ZNF225: variants seen among roughly 807,000 people sequenced by gnomAD.
The protein encoded by ZNF225 is zinc finger protein 225.
A neutral mutation model predicts 12.0 loss-of-function variants in ZNF225; 6 were observed. That is an observed-to-expected ratio of 0.50 (90% CI 0.27 to 0.98). The LOEUF is 0.98. Ranked by LOEUF, ZNF225 falls within the 50% of genes least tolerant of loss-of-function variation. ZNF225 has a pLI of 0.11. For missense variants in ZNF225, 763 were observed against 848.2 expected (o/e 0.90, Z 1.25); for synonymous variants, 271 against 283.2 (o/e 0.96, Z 0.43).
intron 4 of ZNF225, among the ~76,000 whole-genome samples, chr19:44,122,034 A>G (rs1306575029): frequency 6.6e-6 from 1 of 151,934 alleles, no homozygotes; most frequent in Admixed American, 6.6e-5. Flanking sequence ...TTTTTATTGC[A>G]TTTGTTTTTG....
chr19:44,112,527 C>A (rs1967853242), upstream of ZNF225, among the ~76,000 whole-genome samples: 1 of 151,334 alleles, frequency 6.6e-6, no homozygotes, highest in Non-Finnish European at 1.5e-5. Flanking sequence ...AATTACACCT[C>A]AAAAATATTT....
chr19:44,120,270 T>C lies in ZNF225; in HGVS notation c.235+1696T>C, dbSNP rs187440401. Among the ~76,000 whole-genome samples the C allele has an allele frequency of 3.9e-5, 6 of 152,310 alleles. No individual in the cohort carries two copies. In the East Asian group the frequency reaches 1.2e-3, roughly 29 times the overall value. On this transcript the variant is annotated intron_variant, in intron 4 of 4. Transcript: ENST00000262894. ...TTTTTCTTCTTGTGCTGTCTTGCACTGTGTCTTATATATTTCTGTTTACCT... is the reference window on the plus strand; with the variant it reads ...TTTTTCTTCTTGTGCTGTCTTGCACCGTGTCTTATATATTTCTGTTTACCT...
chr19:44,112,478 G>A (rs554465684), upstream of ZNF225, among the ~76,000 whole-genome samples: 1 of 152,264 alleles, frequency 6.6e-6, no homozygotes, highest in South Asian at 2.1e-4. Context: ...AGATGCCATT[G>A]CCATTGAATT....
At chr19:44,111,595 CAT>C (rs1201002613), upstream of ZNF225, among the ~76,000 whole-genome samples, 1 of 152,142 alleles carries the variant, frequency 6.6e-6, no homozygotes, top group Non-Finnish European at 1.5e-5. Flanking sequence ...GTAGTATAAA[CAT>C]AAAATATTCA....
At chr19:44,129,182 A>C in intron 4 of ZNF225, 2 of 1,039,714 alleles carry the variant, frequency 1.9e-6, no homozygotes, top group Non-Finnish European at 2.5e-6. Context: ...ATACTCTGAA[A>C]ATGTAGACAT....
In ZNF225 at chr19:44,118,581, A is replaced by G. The variant is rs2147555994; in HGVS notation, c.235+7A>G. On this transcript the variant is annotated splice_region_variant and intron_variant, in intron 4 of 4. Coordinates refer to ENST00000262894, the MANE Select transcript of ZNF225 (RefSeq NM_013362.4). ...CAAAGAGAAGGGAATTTAGGTAAGA[A>G]GCAAGCAACTCTGTGTCCTTGTGCG... 1.2e-6 allele frequency: 2 copies of G among 1,610,256 alleles called. No homozygotes were observed. Among genetic ancestry groups the G allele is most frequent in the Non-Finnish European group, 1.7e-6 (2 of 1,177,368 alleles).
Position 44,134,384 on chromosome 19 carries a change from A to G in ZNF225, c.*1649A>G, listed in dbSNP as rs1052493. Reference sequence around the variant, plus strand: ...CAGAATAACTTGAACCATGCCTACCAGTTATGGAATGGTGGCAACCCTCTC... The same window carrying G: ...CAGAATAACTTGAACCATGCCTACCGGTTATGGAATGGTGGCAACCCTCTC... On this transcript the variant is annotated 3_prime_UTR_variant, in exon 5 of 5. Transcript: ENST00000262894. 1 of 152,230 alleles carries G rather than the reference A, an allele frequency of 6.6e-6. No homozygotes were observed. The highest frequency in any genetic ancestry group is 1.5e-5 in the Non-Finnish European group (1 of 68,040). The allele number at this position is 152,230 out of a possible 1,614,324, so 9.4% of individuals were successfully genotyped here. A position where few individuals can be genotyped will look rare whatever the true frequency, so the allele number is the denominator to read the frequency against.
upstream of ZNF225, chr19:44,112,302 C>CT (rs1967848009): frequency 6.6e-6 from 1 of 152,148 alleles, no homozygotes; most frequent in African/African-American, 2.4e-5. Context: ...CTGCTGGTAT[C>CT]TATGTCTGCG....
intron 4 of ZNF225, 45 bp downstream of exon 4, chr19:44,118,619 C>A: frequency 1.9e-6 from 3 of 1,568,364 alleles, no homozygotes; most frequent in Non-Finnish European, 2.6e-6. Context: ...ACTCTCCCAT[C>A]GGTTTCACTT....
chr19:44,114,022 C>G (rs912231676), intron 1 of ZNF225: 9 of 321,894 alleles, frequency 2.8e-5, no homozygotes, highest in African/African-American at 1.5e-4. Flanking sequence ...CTGGGTGATC[C>G]CGGACGCCTT....
rs1967930617 is a variant in ZNF225 at position 44,115,805 on chromosome 19, T to C, written c.-23T>C. The C allele has an allele frequency of 6.2e-7, 1 of 1,612,738 alleles. No homozygotes were observed. Among genetic ancestry groups the C allele is most frequent in the Non-Finnish European group, 8.5e-7 (1 of 1,179,296 alleles). The stretch of plus-strand genomic sequence containing the variant: ...GGACTGTATCACTCAGGACTCTGAA[T>C]ATTCCCTGAAATAGGAGGAAAAATG... On this transcript the variant is annotated 5_prime_UTR_variant, in exon 2 of 5. Coordinates refer to ENST00000262894, the MANE Select transcript of ZNF225 (RefSeq NM_013362.4).
At position 44,115,818 on chromosome 19, in the gene ZNF225, A is replaced by G. The variant is rs779338841; in HGVS notation, c.-10A>G. On this transcript the variant is annotated 5_prime_UTR_variant, in exon 2 of 5. In the 5' UTR this introduces an upstream ATG that the reference lacks. Transcript: ENST00000262894. ...CAGGACTCTGAATATTCCCTGAAATAGGAGGAAAAATGACCACGTTGAAGG... is the reference window on the plus strand; with the variant it reads ...CAGGACTCTGAATATTCCCTGAAATGGGAGGAAAAATGACCACGTTGAAGG... The G allele has an allele frequency of 1.2e-6, 2 of 1,612,986 alleles. No individual in the cohort carries two copies. The highest frequency in any genetic ancestry group is 1.7e-5 in the Admixed American group (1 of 59,860).
In ZNF225 at chr19:44,115,811, C is replaced by G; in HGVS notation, c.-17C>G. The G allele has an allele frequency of 2.5e-6, 4 of 1,612,948 alleles. No individual in the cohort carries two copies. The highest frequency in any genetic ancestry group is 2.5e-6 in the Non-Finnish European group (3 of 1,179,386). ...TATCACTCAGGACTCTGAATATTCCCTGAAATAGGAGGAAAAATGACCACG... is the reference window on the plus strand; with the variant it reads ...TATCACTCAGGACTCTGAATATTCCGTGAAATAGGAGGAAAAATGACCACG... On this transcript the variant is annotated 5_prime_UTR_variant, in exon 2 of 5. Transcript: ENST00000262894.
chr19:44,118,276 A>C lies in ZNF225; in HGVS notation c.104A>C (p.Glu35Ala). ...LDLAQRKLYR[E>A]VMLENFRNLL... The stretch of plus-strand genomic sequence containing the variant: ...CTTGCCCAGAGGAAACTGTACCGAG[A>C]AGTGATGCTGGAGAACTTCAGGAAC... Residue 35 changes from glutamate to alanine, a missense_variant, in exon 3 of 5, where the codon GAA becomes GCA. Glu to Ala is a moderately radical substitution (Grantham distance 107). Coordinates refer to ENST00000262894, the MANE Select transcript of ZNF225 (RefSeq NM_013362.4). 6.2e-7 allele frequency: 1 copy of C among 1,613,420 alleles called. No homozygotes were observed. Among genetic ancestry groups the C allele is most frequent in the Non-Finnish European group, 8.5e-7 (1 of 1,179,732 alleles).
At chr19:44,125,014 A>G (rs974439807) in intron 4 of ZNF225, among the ~76,000 whole-genome samples, 2 of 152,130 alleles carry the variant, frequency 1.3e-5, no homozygotes, top group African/African-American at 4.8e-5. Flanking sequence ...ATTTACATTC[A>G]ATGTTAGTAT....
intron 4 of ZNF225, among the ~76,000 whole-genome samples, chr19:44,122,143 T>C (rs780159773): frequency 2.0e-5 from 3 of 152,250 alleles, no homozygotes; most frequent in Admixed American, 6.5e-5. Context: ...TAGATTTGAG[T>C]CCTTAATCTA....
chr19:44,114,275 A>G lies in ZNF225; in HGVS notation c.-69+706A>G, dbSNP rs1203443714. ...CTCACCCCAACCGAGAGTGTATAGGATGTGTCTTCGGGCATGGGTGTTGCT... is the reference window on the plus strand; with the variant it reads ...CTCACCCCAACCGAGAGTGTATAGGGTGTGTCTTCGGGCATGGGTGTTGCT... On this transcript the variant is annotated intron_variant, in intron 1 of 4. Transcript: ENST00000262894. 4.2e-6 allele frequency: 3 copies of G among 713,186 alleles called. No individual in the cohort carries two copies. The African/African-American group carries it at 5.6e-5, about 13-fold the overall frequency. 44.2% of individuals were successfully genotyped at this position (713,186 alleles called of 1,614,324 possible).
At chr19:44,126,659 G>T (rs544235368) in intron 4 of ZNF225, among the ~76,000 whole-genome samples, 1 of 152,228 alleles carries the variant, frequency 6.6e-6, no homozygotes, top group African/African-American at 2.4e-5. Context: ...GGACCATCAG[G>T]GAGGGGGAGG....
Position 44,131,709 on chromosome 19 carries a change from C to A in ZNF225, c.1095C>A (p.Asp365Glu). The A allele has an allele frequency of 6.2e-7, 1 of 1,614,122 alleles. No individual in the cohort carries two copies. Among genetic ancestry groups the A allele is most frequent in the Non-Finnish European group, 8.5e-7 (1 of 1,180,030 alleles). ...AAGATCTTTATAAGCATCAGATAGA[C>A]CACACAGGGGAGAAGCCATATAATT... ...YRQDLYKHQI[D>E]HTGEKPYNCK... The change falls in exon 5 of 5, where the codon GAC (aspartate) becomes GAA (glutamate). Residue 365 changes from aspartate to glutamate, a missense_variant. Physicochemically the swap from Asp to Glu is conservative, Grantham distance 45. Transcript: ENST00000262894.
Sources: gnomAD v4.1 joint callset for allele counts (sites outside exome capture counted in the v4.1 genomes callset) on GRCh38, gnomAD v4.1.1 for gene constraint, MANE v1.5 for transcripts, NCBI Gene and HGNC (gene_info 2026-07-23, HGNC 2026-07-21) for gene names.